The following PTGIS variants were observed in gnomAD, a reference collection of about 807,000 sequenced individuals.
PTGIS encodes prostacyclin synthase.
PTGIS carries 45 observed loss-of-function variants against 50.3 expected under a neutral mutation model. The ratio of observed to expected loss-of-function variants is 0.90; its 90% confidence interval spans 0.70 to 1.15. The LOEUF is 1.15. PTGIS is among the 50% of genes most tolerant of loss of function. The pLI, the probability that PTGIS is intolerant of heterozygous loss-of-function variation, is 0.00. For missense variants in PTGIS, 668 were observed against 661.3 expected (o/e 1.01, Z -0.11); for synonymous variants, 260 against 267.7 (o/e 0.97, Z 0.28).
intron 9 of PTGIS, among the ~76,000 whole-genome samples, chr20:49,508,971 G>A (rs1245839142): frequency 6.6e-6 from 1 of 152,172 alleles, no homozygotes; most frequent in East Asian, 1.9e-4. Flanking sequence ...CCCAACCCAG[G>A]CGCCCGATGC....
At position 49,505,272 on chromosome 20, in the gene PTGIS, C is replaced by G. The variant is rs1981118498; in HGVS notation, c.*2648G>C. On this transcript the variant is annotated 3_prime_UTR_variant, in exon 10 of 10. Coordinates refer to ENST00000244043, the MANE Select transcript of PTGIS (RefSeq NM_000961.4). ...CAATGGCATCCAGGTAACTTCCTAA[C>G]TAGCGCATAGCAGGTAGCTAACCCA... 6.6e-6 allele frequency: 1 copy of G among 152,128 alleles called. No homozygotes were observed. Among genetic ancestry groups the G allele is most frequent in the Non-Finnish European group, 1.5e-5 (1 of 68,030 alleles). 9.4% of individuals were successfully genotyped at this position (152,128 alleles called of 1,614,324 possible).
intron 1 of PTGIS, among the ~76,000 whole-genome samples, chr20:49,555,609 A>G (rs1001236000): frequency 1.3e-5 from 2 of 152,226 alleles, no homozygotes; most frequent in African/African-American, 2.4e-5. Flanking sequence ...ATAAATGAGT[A>G]TGTGTTCCAA....
chr20:49,523,905 A>G (rs1981721564), intron 6 of PTGIS, among the ~76,000 whole-genome samples, 153 bp downstream of exon 6: 1 of 152,270 alleles, frequency 6.6e-6, no homozygotes, highest in Non-Finnish European at 1.5e-5. Flanking sequence ...TCACATCAGC[A>G]CACACTCACA....
intron 6 of PTGIS, 32 bp from the exon 7 acceptor site, chr20:49,514,427 A>G (rs750278988): frequency 3.7e-6 from 6 of 1,609,424 alleles, no homozygotes; most frequent in Non-Finnish European, 5.1e-6. Flanking sequence ...TTATGCCATT[A>G]TGAGGGCAGA....
At chr20:49,539,748 G>A (rs762973206) in intron 4 of PTGIS, 27 bp from the exon 5 acceptor site, 1 of 1,601,622 alleles carries the variant, frequency 6.2e-7, no homozygotes, top group South Asian at 1.1e-5. Flanking sequence ...GAGGGTCAGG[G>A]GTCCTCCTGG....
chr20:49,519,239 C>T (rs1196709614), intron 6 of PTGIS, among the ~76,000 whole-genome samples: 1 of 151,952 alleles, frequency 6.6e-6, no homozygotes, highest in South Asian at 2.1e-4. Context: ...GAGACTCCCA[C>T]TGCTCCTTCC....
chr20:49,514,261 G>A lies in PTGIS; in HGVS notation c.990C>T (p.Leu330=). The A allele has an allele frequency of 6.2e-7, 1 of 1,614,076 alleles. No individual in the cohort carries two copies. The highest frequency in any genetic ancestry group is 8.5e-7 in the Non-Finnish European group (1 of 1,180,040). Residue 330 remains leucine, a synonymous_variant, in exon 7 of 10, where the codon CTC becomes CTT. Coordinates refer to ENST00000244043, the MANE Select transcript of PTGIS (RefSeq NM_000961.4). ...GTGTGCTGTCTAGAACCTTCTGTGGGAGAGTGGTCGTCTGCGAGACAGGCT... is the reference window on the plus strand; with the variant it reads ...GTGTGCTGTCTAGAACCTTCTGTGGAAGAGTGGTCGTCTGCGAGACAGGCT... ...AEQPVSQTTT[L]PQKVLDSTPV...
rs1448548257 is a variant in PTGIS at position 49,540,463 on chromosome 20, G to A, written c.522-742C>T. Among the ~76,000 whole-genome samples the A allele has an allele frequency of 6.6e-6, 1 of 151,872 alleles. No individual in the cohort carries two copies. Among genetic ancestry groups the A allele is most frequent in the Non-Finnish European group, 1.5e-5 (1 of 67,940 alleles). On this transcript the variant is annotated intron_variant, in intron 4 of 9. Coordinates refer to ENST00000244043, the MANE Select transcript of PTGIS (RefSeq NM_000961.4). The surrounding 1 kb of genome is among the most constrained non-coding windows in gnomAD (Gnocchi z 4.8). ...GTGGCTGGTGCAGGCACTGGAGCCG[G>A]GGTGTGAGGCAGAGGATGGGAGGGC... is the stretch of plus-strand genomic sequence containing the variant.
intron 5 of PTGIS, among the ~76,000 whole-genome samples, chr20:49,538,873 G>C (rs1982151037): frequency 6.6e-6 from 1 of 151,860 alleles, no homozygotes; most frequent in Middle Eastern, 3.2e-3. Context: ...GTAGAGATGG[G>C]GTTTCACCAT....
At chr20:49,539,541 C>A (rs779133505) in intron 5 of PTGIS, 29 bp downstream of exon 5, 64 of 1,609,412 alleles carry the variant, frequency 4.0e-5, no homozygotes, top group Non-Finnish European at 5.2e-5. Context: ...ATCCTCCCCC[C>A]CACCCACTGG....
At chr20:49,536,968 C>G (rs1035206930) in intron 5 of PTGIS, among the ~76,000 whole-genome samples, 1 of 152,172 alleles carries the variant, frequency 6.6e-6, no homozygotes, top group Non-Finnish European at 1.5e-5. Flanking sequence ...CTCCCCTCCA[C>G]GGTCCCTCCA....
intron 1 of PTGIS, 68 bp from the exon 2 acceptor site, chr20:49,550,257 G>A: frequency 6.3e-7 from 1 of 1,589,142 alleles, no homozygotes; most frequent in Non-Finnish European, 8.5e-7. Flanking sequence ...GTAGGTTGCA[G>A]AGTGTGATTT....
rs13306026 is a variant in PTGIS at position 49,511,026 on chromosome 20, A to C, written c.1358+2T>G. On this transcript the variant is annotated splice_donor_variant, in intron 9 of 9. Transcript: ENST00000244043. LOFTEE classifies it high-confidence loss of function. ...CTGGCCCTGCCCTGGCCCCCCACTC[A>C]CTGTTTGATGCTGTTGACCGCATAA... The C allele has an allele frequency of 6.2e-7, 1 of 1,612,506 alleles. No individual in the cohort carries two copies. Among genetic ancestry groups the C allele is most frequent in the Non-Finnish European group, 8.5e-7 (1 of 1,179,638 alleles).
chr20:49,515,781 A>T (rs533517443), intron 6 of PTGIS, among the ~76,000 whole-genome samples: 4 of 152,354 alleles, frequency 2.6e-5, no homozygotes, highest in Non-Finnish European at 4.4e-5. Flanking sequence ...ACTGTAGCCA[A>T]GACACACAGA....
At chr20:49,535,384 G>A (rs1051594830) in intron 5 of PTGIS, among the ~76,000 whole-genome samples, 1 of 152,254 alleles carries the variant, frequency 6.6e-6, no homozygotes, top group South Asian at 2.1e-4. Context: ...CCAGATGGTA[G>A]AACAGATACA....
rs1050638567 is a variant in PTGIS at position 49,524,148 on chromosome 20, C to T, written c.765G>A (p.Trp255Ter). 1.1e-5 allele frequency: 17 copies of T among 1,614,152 alleles called. No individual in the cohort carries two copies. The highest frequency in any genetic ancestry group is 1.4e-5 in the Non-Finnish European group (17 of 1,180,062). ...RLARRAHRSK[W>*]LESYLLHLEE... is the part of the protein sequence containing the mutation. ...CCAGGTGCAGCAGGTAACTCTCCAG[C>T]CATTTGCTCCGGTGGGCCCGCCTGG... is the stretch of plus-strand genomic sequence containing the variant. The change falls in exon 6 of 10, where the codon TGG becomes TGA. Residue 255 changes from tryptophan to a stop codon, truncating the protein, a stop_gained. Transcript: ENST00000244043. LOFTEE classifies it high-confidence loss of function.
chr20:49,523,117 C>A (rs1568672336), intron 6 of PTGIS, among the ~76,000 whole-genome samples: 1 of 152,092 alleles, frequency 6.6e-6, no homozygotes, highest in Non-Finnish European at 1.5e-5. Flanking sequence ...CCAAGATGAA[C>A]CAAAAAGGAC....
chr20:49,524,223 C>T lies in PTGIS; in HGVS notation c.690G>A (p.Met230Ile), dbSNP rs756818250. The T allele has an allele frequency of 1.9e-6, 3 of 1,614,060 alleles. No homozygotes were observed. The highest frequency in any genetic ancestry group is 4.5e-5 in the East Asian group (2 of 44,900). Residue 230 changes from methionine (M) to isoleucine (I), a missense_variant, in exon 6 of 10, where the codon ATG (methionine) becomes ATA (isoleucine). Physicochemically the swap from Met to Ile is conservative, Grantham distance 10. Coordinates refer to ENST00000244043, the MANE Select transcript of PTGIS (RefSeq NM_000961.4). ...TCCACAGGCGACTTTTGACACTGCA[C>T]ATGTGGTCCTTGTCCCCTGCAGGGA... is the stretch of plus-strand genomic sequence containing the variant. ...GSLSVGDKDH[M>I]CSVKSRLWKL...
chr20:49,527,289 CAAAAAA>C (rs36033143), intron 5 of PTGIS, among the ~76,000 whole-genome samples: 1 of 111,166 alleles, frequency 9.0e-6, no homozygotes, highest in Admixed American at 9.9e-5. Flanking sequence ...TACTAAAATA[CAAAAAA>C]AAAAAAAAAA....
Sources: gnomAD v4.1 joint callset for allele counts (sites outside exome capture counted in the v4.1 genomes callset) on GRCh38, gnomAD v4.1.1 for gene constraint, Gnocchi (gnomAD v3.1) non-coding constraint, MANE v1.5 for transcripts, NCBI Gene and HGNC (gene_info 2026-07-23, HGNC 2026-07-21) for gene names.